Variants in MYO1H observed in about 807,000 individuals in gnomAD.
MYO1H encodes myosin IH.
Under a neutral mutation model 149.3 loss-of-function variants are expected in MYO1H, and 118 were observed. The ratio of observed to expected loss-of-function variants is 0.79; its 90% CI spans 0.68 to 0.92. The LOEUF is 0.92. MYO1H is among the 40% of genes least tolerant of loss of function. The probability of loss-of-function intolerance (pLI) is 0.00; values close to 1 mark genes in which losing one functional copy is unlikely to be tolerated. For synonymous variants in MYO1H, 447 were observed against 465.2 expected (o/e 0.96, Z 0.50); for missense variants, 1,212 against 1,280.7 (o/e 0.95, Z 0.82).
At chr12:109,417,802 G>GT (rs1870989847) in intron 15 of MYO1H, among the ~76,000 whole-genome samples, 1 of 144,444 alleles carries the variant, frequency 6.9e-6, no homozygotes, top group South Asian at 2.1e-4. Flanking sequence ...TTAAGATTGG[G>GT]TTTTTTTGTT....
chr12:109,327,123 TTTTTC>T, the MYO1H span, among the ~76,000 whole-genome samples: 4 of 120,670 alleles, frequency 3.3e-5, no homozygotes, highest in East Asian at 2.3e-4. Flanking sequence ...TTTCTTTTTC[TTTTTC>T]TTTTTCTTTT....
At chr12:109,405,890 C>T in intron 7 of MYO1H, 32 bp from the exon 8 acceptor site, 2 of 1,480,066 alleles carry the variant, frequency 1.4e-6, no homozygotes, top group Non-Finnish European at 1.9e-6. Flanking sequence ...CTGTCCTGAT[C>T]TCCTGTCTCT....
At chr12:109,332,872 C>T in the MYO1H span, among the ~76,000 whole-genome samples, 5 of 152,294 alleles carry the variant, frequency 3.3e-5, no homozygotes, top group East Asian at 1.9e-4. Context: ...CGTGAGCCAC[C>T]GTGCCCAGCC....
intron 15 of MYO1H, among the ~76,000 whole-genome samples, 157 bp from the exon 16 acceptor site, chr12:109,420,824 C>T (rs11066537): frequency 0.11 from 17,465 of 152,172 alleles, 1,530 homozygotes; most frequent in African/African-American, 0.24. Context: ...CCACAAAGAA[C>T]GACCCAGCCC....
At chr12:109,356,866 C>G (rs929259718) in intron 1 of MYO1H, among the ~76,000 whole-genome samples, 4 of 152,322 alleles carry the variant, frequency 2.6e-5, no homozygotes, top group African/African-American at 9.6e-5. Flanking sequence ...AACTGTAGAG[C>G]TGTCAGTGTT....
intron 23 of MYO1H, 31 bp from the exon 24 acceptor site, chr12:109,439,600 C>T: frequency 6.3e-7 from 1 of 1,583,192 alleles, no homozygotes; most frequent in Non-Finnish European, 8.6e-7. Flanking sequence ...AGAAATGGTC[C>T]AGAAAAGTAA....
chr12:109,388,299 A>G (rs79201204), intron 1 of MYO1H, among the ~76,000 whole-genome samples: 2 of 152,204 alleles, frequency 1.3e-5, no homozygotes, highest in African/African-American at 2.4e-5. Flanking sequence ...TATGTTGTCT[A>G]GGTTCATTTT....
At chr12:109,438,086 T>TAAAA (rs58487735) in intron 22 of MYO1H, among the ~76,000 whole-genome samples, 9 of 96,906 alleles carry the variant, frequency 9.3e-5, no homozygotes, top group African/African-American at 4.1e-4. Context: ...AGGCTCTGTC[T>TAAAA]AAAAAAAAAA....
chr12:109,315,765 G>C, the MYO1H span, among the ~76,000 whole-genome samples: 3 of 152,160 alleles, frequency 2.0e-5, no homozygotes, highest in Non-Finnish European at 2.9e-5. Flanking sequence ...ATTTTTCTTG[G>C]AACATGTCTT....
At chr12:109,440,628 C>T (rs1045926019) in intron 24 of MYO1H, 116 bp from the exon 25 acceptor site, 3 of 749,026 alleles carry the variant, frequency 4.0e-6, no homozygotes, top group African/African-American at 3.5e-5. Flanking sequence ...AATATTAACA[C>T]TGTGCTTGAA....
In MYO1H at chr12:109,427,598, T is replaced by C; in HGVS notation, c.1949+12T>C. 6.4e-7 allele frequency: 1 copy of C among 1,567,010 alleles called. No homozygotes were observed. Among genetic ancestry groups the C allele is most frequent in the Non-Finnish European group, 8.8e-7 (1 of 1,137,858 alleles). ...CATTTCTTGCAAAGGTAAAATGTGCTTTATTGATCTGAAGCCAATAGTCAT... is the reference window on the plus strand; with the variant it reads ...CATTTCTTGCAAAGGTAAAATGTGCCTTATTGATCTGAAGCCAATAGTCAT... On this transcript the variant is annotated intron_variant, in intron 19 of 31. Transcript: ENST00000310903.
At chr12:109,424,443 A>G (rs1373334492) in intron 16 of MYO1H, among the ~76,000 whole-genome samples, 2 of 152,170 alleles carry the variant, frequency 1.3e-5, no homozygotes, top group Non-Finnish European at 2.9e-5. Context: ...CCTGAGCCCC[A>G]CCATTCCTGG....
intron 13 of MYO1H, among the ~76,000 whole-genome samples, chr12:109,411,485 T>C (rs1407879047): frequency 6.6e-6 from 1 of 152,206 alleles, no homozygotes; most frequent in Non-Finnish European, 1.5e-5. Context: ...ACTTAAGAAA[T>C]ATAAAAACTT....
intron 15 of MYO1H, among the ~76,000 whole-genome samples, chr12:109,416,582 T>C (rs973250782): frequency 2.0e-5 from 3 of 152,204 alleles, no homozygotes; most frequent in African/African-American, 7.2e-5. Flanking sequence ...TTGGGTTGTT[T>C]ATACCTTCTA....
chr12:109,416,106 C>G (rs1188378607), intron 15 of MYO1H, among the ~76,000 whole-genome samples: 1 of 151,976 alleles, frequency 6.6e-6, no homozygotes. Context: ...CCACGACCAG[C>G]TAATTTTTTT....
the MYO1H span, among the ~76,000 whole-genome samples, chr12:109,340,373 T>C: frequency 4.4e-4 from 67 of 152,186 alleles, no homozygotes; most frequent in Admixed American, 4.4e-3. Context: ...TTCACCATGT[T>C]GGCCAGGCTG....
chr12:109,383,191 C>G (rs938748802), intron 1 of MYO1H, among the ~76,000 whole-genome samples: 7 of 152,146 alleles, frequency 4.6e-5, no homozygotes, highest in Admixed American at 2.6e-4. Context: ...TATAACATTT[C>G]CCTTGAACAA....
chr12:109,350,854 G>A (rs1310860167), intron 1 of MYO1H, among the ~76,000 whole-genome samples: 1 of 152,106 alleles, frequency 6.6e-6, no homozygotes, highest in Non-Finnish European at 1.5e-5. Flanking sequence ...ATAATACAGA[G>A]AGGTCTCAAA....
intron 11 of MYO1H, 36 bp downstream of exon 11, chr12:109,409,660 C>T (rs779120914): frequency 9.1e-6 from 14 of 1,531,056 alleles, no homozygotes; most frequent in South Asian, 5.6e-5. Context: ...CTGTCTTTTG[C>T]CCTTTTTTAA....
Sources: allele counts gnomAD v4.1 joint callset (sites outside exome capture counted in the v4.1 genomes callset), GRCh38; gene constraint gnomAD v4.1.1; transcripts MANE v1.5; gene names NCBI Gene and HGNC (gene_info 2026-07-23, HGNC 2026-07-21).